SMG1: variants seen among roughly 807,000 people sequenced by gnomAD.
The protein encoded by SMG1 is SMG1 nonsense mediated mRNA decay associated PI3K related kinase, also known as serine/threonine-protein kinase SMG1.
SMG1 carries 22 observed loss-of-function variants against 419.9 expected under a neutral mutation model. That is an observed-to-expected ratio of 0.05 (90% CI 0.04 to 0.07). The LOEUF is 0.07. Ranked by LOEUF, SMG1 falls within the 10% of genes least tolerant of loss-of-function variation. The pLI is 1.00. For missense variants in SMG1, 3,185 were observed against 4,342.0 expected (o/e 0.73, Z 7.49); for synonymous variants, 1,538 against 1,553.5 (o/e 0.99, Z 0.23).
At position 18,832,954 on chromosome 16, in the gene SMG1, G is replaced by A. The variant is rs1330136746; in HGVS notation, c.8778C>T (p.Tyr2926=). The change falls in exon 51 of 63, where the codon TAC becomes TAT. Residue 2926 remains tyrosine (Y), a synonymous_variant. Transcript: ENST00000446231. The stretch of plus-strand genomic sequence containing the variant: ...CATTCACTTGCCTGGCAACATCGAT[G>A]TAATGAGCATGTGTTTCTTCTTCCA... ...MGLEEETHAH[Y]IDVARLLHAQ... The A allele has an allele frequency of 1.2e-6, 2 of 1,613,872 alleles. No homozygotes were observed. Among genetic ancestry groups the A allele is most frequent in the South Asian group, 1.1e-5 (1 of 91,084 alleles).
chr16:18,916,446 G>T (rs975422659), intron 1 of SMG1, among the ~76,000 whole-genome samples: 3 of 150,166 alleles, frequency 2.0e-5, no homozygotes, highest in African/African-American at 7.3e-5. Flanking sequence ...ACCCCGGGGG[G>T]TGGAGCCTGC....
chr16:18,897,811 G>A (rs931965146), intron 1 of SMG1, among the ~76,000 whole-genome samples: 1 of 148,062 alleles, frequency 6.8e-6, no homozygotes, highest in Non-Finnish European at 1.5e-5. Flanking sequence ...TATCAAGAAA[G>A]AAGACAACAA....
At chr16:18,828,705 A>G (rs536859504) in intron 54 of SMG1, among the ~76,000 whole-genome samples, 10 of 152,376 alleles carry the variant, frequency 6.6e-5, no homozygotes, top group African/African-American at 1.9e-4. Context: ...TCAACATTAA[A>G]AACTATATTT....
intron 49 of SMG1, 75 bp from the exon 50 acceptor site, chr16:18,834,513 ATGCCT>A: frequency 1.4e-6 from 2 of 1,384,200 alleles, no homozygotes; most frequent in Non-Finnish European, 9.9e-7. Context: ...GGTCAAGGCC[ATGCCT>A]GTAATTCCAG....
intron 6 of SMG1, among the ~76,000 whole-genome samples, chr16:18,885,945 C>CA (rs1175626045): frequency 6.6e-6 from 1 of 151,260 alleles, no homozygotes; most frequent in Admixed American, 6.6e-5. Flanking sequence ...GACTCCATCT[C>CA]AAAAAAAATA....
At chr16:18,831,033 A>G (rs2141217290) in intron 51 of SMG1, among the ~76,000 whole-genome samples, 1 of 152,322 alleles carries the variant, frequency 6.6e-6, no homozygotes, top group Middle Eastern at 3.4e-3. Context: ...GTATGTTCGC[A>G]CTATTACTAC....
At chr16:18,910,100 C>CT (rs377393201) in intron 1 of SMG1, among the ~76,000 whole-genome samples, 67 of 146,834 alleles carry the variant, frequency 4.6e-4, no homozygotes, top group East Asian at 8.0e-4. Context: ...GTACCAGAAT[C>CT]TTTTTTTTTT....
chr16:18,808,593 G>C lies in SMG1; in HGVS notation c.*976C>G, dbSNP rs538080869. 6.6e-6 allele frequency: 1 copy of C among 152,448 alleles called. No homozygotes were observed. The highest frequency in any genetic ancestry group is 1.9e-4 in the East Asian group (1 of 5,188). The allele number at this position is 152,448 out of a possible 1,614,324, so 9.4% of individuals were successfully genotyped here. On this transcript the variant is annotated 3_prime_UTR_variant, in exon 63 of 63. Coordinates refer to ENST00000446231, the MANE Select transcript of SMG1 (RefSeq NM_015092.5). ...ATCACAGAAGAGGGAAAATTTGAAT[G>C]ACCTCCAAAAAAAATGCACACTATA...
chr16:18,844,070 C>G (rs2034086381), intron 39 of SMG1, among the ~76,000 whole-genome samples: 2 of 151,660 alleles, frequency 1.3e-5, no homozygotes, highest in South Asian at 4.2e-4. Context: ...CCTATATCCT[C>G]TTCTGATTTT....
Position 18,828,129 on chromosome 16 carries a change from T to G in SMG1, c.9643A>C (p.Met3215Leu). ...GACCGTGGGGGAGGTGTGACTGACATGGCTTGTGGTCTATTGATAAGTAGA... is the reference window on the plus strand; with the variant it reads ...GACCGTGGGGGAGGTGTGACTGACAGGGCTTGTGGTCTATTGATAAGTAGA... ...EDLLINRPQA[M>L]SVTPPPRSAI... Residue 3215 changes from methionine to leucine, a missense_variant, in exon 55 of 63, where the codon ATG (methionine) becomes CTG (leucine). Met to Leu is a conservative substitution (Grantham distance 15). Transcript: ENST00000446231. 6.2e-7 allele frequency: 1 copy of G among 1,613,654 alleles called. No homozygotes were observed. The highest frequency in any genetic ancestry group is 1.1e-5 in the South Asian group (1 of 91,030).
At chr16:18,866,874 T>C in intron 22 of SMG1, 99 bp from the exon 23 acceptor site, 1 of 797,136 alleles carries the variant, frequency 1.3e-6, no homozygotes, top group Non-Finnish European at 2.0e-6. Context: ...TAAAGCCAAA[T>C]GTATTTAACA....
Position 18,845,582 on chromosome 16 carries a change from C to A in SMG1, c.6066G>T (p.Glu2022Asp). The A allele has an allele frequency of 6.2e-7, 1 of 1,613,770 alleles. No homozygotes were observed. Among genetic ancestry groups the A allele is most frequent in the East Asian group, 2.2e-5 (1 of 44,890 alleles). The change falls in exon 39 of 63, where the codon GAG (glutamate) becomes GAT (aspartate). Residue 2022 changes from glutamate (E) to aspartate (D), a missense_variant. This residue lies in a region of SMG1 where 159 missense variants were observed against 196.0 expected (regional missense o/e 0.81). Coordinates refer to ENST00000446231, the MANE Select transcript of SMG1 (RefSeq NM_015092.5). ...ALMKPIVFAL[E>D]HVRSITAAPA... ...GAGCCGCTGTGATACTCCTCACATGCTCCAAAGCAAATACGATGGGCTTCA... is the reference window on the plus strand; with the variant it reads ...GAGCCGCTGTGATACTCCTCACATGATCCAAAGCAAATACGATGGGCTTCA...
chr16:18,902,805 C>A (rs1329203374), intron 1 of SMG1, among the ~76,000 whole-genome samples: 1 of 151,994 alleles, frequency 6.6e-6, no homozygotes, highest in Non-Finnish European at 1.5e-5. Flanking sequence ...ACTCTGCACT[C>A]ATATTTAAAA....
At chr16:18,901,843 G>A (rs527661811) in intron 1 of SMG1, among the ~76,000 whole-genome samples, 11 of 151,662 alleles carry the variant, frequency 7.3e-5, no homozygotes, top group Admixed American at 1.3e-4. Context: ...GCATGGTGAC[G>A]GGCACCTGTA....
intron 25 of SMG1, among the ~76,000 whole-genome samples, chr16:18,861,800 A>T (rs2035232948): frequency 6.8e-6 from 1 of 146,620 alleles, no homozygotes. Context: ...CAAACAAATA[A>T]ACAAAAAAAG....
intron 39 of SMG1, among the ~76,000 whole-genome samples, chr16:18,844,324 G>A (rs2034105028): frequency 6.6e-6 from 1 of 151,858 alleles, no homozygotes; most frequent in South Asian, 2.1e-4. Flanking sequence ...AGCTACACGG[G>A]AGGCTGAGGC....
At position 18,832,950 on chromosome 16, in the gene SMG1, C is replaced by T. The variant is rs755304137; in HGVS notation, c.8782G>A (p.Asp2928Asn). The change falls in exon 51 of 63, where the codon GAT becomes AAT. Residue 2928 changes from aspartate (D) to asparagine (N), a missense_variant. Physicochemically the swap from Asp to Asn is conservative, Grantham distance 23. This residue lies in a region of SMG1 where 737 missense variants were observed against 846.6 expected (regional missense o/e 0.87). Transcript: ENST00000446231. The stretch of plus-strand genomic sequence containing the variant: ...CCAGCATTCACTTGCCTGGCAACAT[C>T]GATGTAATGAGCATGTGTTTCTTCT... ...LEEETHAHYI[D>N]VARLLHAQYG... 8.1e-6 allele frequency: 13 copies of T among 1,613,792 alleles called. No individual in the cohort carries two copies. The highest frequency in any genetic ancestry group is 2.2e-5 in the East Asian group (1 of 44,880).
chr16:18,887,669 A>AT (rs2036678625), intron 6 of SMG1, among the ~76,000 whole-genome samples: 3 of 69,328 alleles, frequency 4.3e-5, no homozygotes, highest in African/African-American at 1.1e-4. Flanking sequence ...TACACTTTTT[A>AT]TTTAAAAAAA....
At chr16:18,819,331 C>T (rs2032308388) in intron 56 of SMG1, among the ~76,000 whole-genome samples, 171 bp downstream of exon 56, 1 of 152,208 alleles carries the variant, frequency 6.6e-6, no homozygotes, top group South Asian at 2.1e-4. Context: ...AAATAACCTG[C>T]TGTGGGTTCA....
Sources: gnomAD v4.1 joint callset for allele counts (sites outside exome capture counted in the v4.1 genomes callset) on GRCh38, gnomAD v4.1.1 for gene constraint, gnomAD v4.1.1 regional missense constraint, MANE v1.5 for transcripts, NCBI Gene and HGNC (gene_info 2026-07-23, HGNC 2026-07-21) for gene names.